Variants in FGF14 observed in about 807,000 individuals in gnomAD.
The protein encoded by FGF14 is fibroblast growth factor homologous factor 4.
In FGF14, 5 loss-of-function variants were observed where a neutral mutation model predicts 25.5. That is an observed-to-expected ratio of 0.20 (90% CI 0.10 to 0.41). The LOEUF is 0.41. Among genes scored for constraint, FGF14 ranks in the 10% least tolerant of loss-of-function variants. The probability of loss-of-function intolerance (pLI) is 1.00; values close to 1 mark genes in which losing one functional copy is unlikely to be tolerated. For missense variants in FGF14, 222 were observed against 320.1 expected (o/e 0.69, Z 2.34); for synonymous variants, 138 against 118.3 (o/e 1.17, Z -1.08).
At chr13:102,120,124 G>A (rs2045650111) in intron 1 of FGF14, among the ~76,000 whole-genome samples, 1 of 152,070 alleles carries the variant, frequency 6.6e-6, no homozygotes, top group Non-Finnish European at 1.5e-5. Flanking sequence ...TCACTATACA[G>A]GCCTTTTTGG....
intron 1 of FGF14, among the ~76,000 whole-genome samples, chr13:101,901,876 A>C (rs1449372273): frequency 6.6e-6 from 1 of 152,164 alleles, no homozygotes; most frequent in Non-Finnish European, 1.5e-5. Context: ...AATAAAGAGA[A>C]TATTATCTAC....
At chr13:101,776,445 T>A (rs1368432861) in intron 3 of FGF14, among the ~76,000 whole-genome samples, 2 of 152,152 alleles carry the variant, frequency 1.3e-5, no homozygotes, top group Non-Finnish European at 2.9e-5. Context: ...AGCTTGCCAT[T>A]CAGGGACTCC....
At chr13:102,093,846 G>GAGAGA (rs1158061239) in intron 1 of FGF14, among the ~76,000 whole-genome samples, 3 of 151,142 alleles carry the variant, frequency 2.0e-5, no homozygotes, top group African/African-American at 7.3e-5. Flanking sequence ...GAGAGGAGAG[G>GAGAGA]AGATAAGACT....
At chr13:102,104,785 A>G (rs1254708932) in intron 1 of FGF14, among the ~76,000 whole-genome samples, 1 of 152,090 alleles carries the variant, frequency 6.6e-6, no homozygotes, top group East Asian at 1.9e-4. Flanking sequence ...GACCCTATCT[A>G]AAAACAAAAC....
chr13:101,787,645 T>C (rs553834072), intron 3 of FGF14, among the ~76,000 whole-genome samples: 5 of 152,144 alleles, frequency 3.3e-5, no homozygotes, highest in Non-Finnish European at 7.4e-5. Flanking sequence ...CATTTCTTTC[T>C]GGGTAGCAAG....
At chr13:102,375,474 G>A (rs183422737) in intron 1 of FGF14, among the ~76,000 whole-genome samples, 8 of 152,108 alleles carry the variant, frequency 5.3e-5, no homozygotes, top group East Asian at 1.9e-4. Context: ...TCAATTTATC[G>A]TTATTTAATA....
At chr13:102,098,921 T>G (rs2044529779) in intron 1 of FGF14, among the ~76,000 whole-genome samples, 1 of 152,134 alleles carries the variant, frequency 6.6e-6, no homozygotes, top group Non-Finnish European at 1.5e-5. Flanking sequence ...GAATCTACCT[T>G]AAGATGTAAA....
chr13:102,342,816 T>C (rs371056327), intron 1 of FGF14, among the ~76,000 whole-genome samples: 2 of 152,202 alleles, frequency 1.3e-5, no homozygotes, highest in East Asian at 3.9e-4. Flanking sequence ...CACATTTCCA[T>C]AGATAAAATG....
intron 1 of FGF14, among the ~76,000 whole-genome samples, chr13:102,026,630 G>T (rs959773606): frequency 1.3e-5 from 2 of 151,962 alleles, no homozygotes; most frequent in Admixed American, 6.6e-5. Flanking sequence ...AAGTTTTATA[G>T]TTCTTAACAC....
At chr13:101,916,205 C>T (rs1303838474) in intron 1 of FGF14, among the ~76,000 whole-genome samples, 4 of 152,232 alleles carry the variant, frequency 2.6e-5, no homozygotes, top group Non-Finnish European at 5.9e-5. Context: ...CCTGCAGGGA[C>T]GCGGAGGGCA....
At chr13:102,287,760 C>T (rs2054178438) in intron 1 of FGF14, among the ~76,000 whole-genome samples, 1 of 152,126 alleles carries the variant, frequency 6.6e-6, no homozygotes, top group South Asian at 2.1e-4. Flanking sequence ...ATGCTAAACC[C>T]CTTACTTTAT....
chr13:102,045,157 T>G (rs1481085945), intron 1 of FGF14, among the ~76,000 whole-genome samples: 1 of 152,162 alleles, frequency 6.6e-6, no homozygotes, highest in Non-Finnish European at 1.5e-5. Context: ...TTTCAAGAGT[T>G]GTCTCAGACA....
chr13:102,023,735 T>G (rs1028763207), intron 1 of FGF14, among the ~76,000 whole-genome samples: 1 of 151,978 alleles, frequency 6.6e-6, no homozygotes, highest in Non-Finnish European at 1.5e-5. Flanking sequence ...TAGAAAAAAT[T>G]TTTAAGGTTC....
chr13:102,040,942 G>A lies in FGF14; in HGVS notation c.209-165646C>T, dbSNP rs186062811. Among the ~76,000 whole-genome samples, 19 of 152,034 alleles carry A rather than the reference G, an allele frequency of 1.2e-4. No individual in the cohort carries two copies. In the East Asian group the frequency reaches 1.6e-3, roughly 12 times the overall value. On this transcript the variant is annotated intron_variant, in intron 1 of 4. Coordinates refer to the FGF14 transcript ENST00000376131. Reference sequence around the variant, plus strand: ...TTCTTATTCTTGGTAGTAAAAAATCGCTTACCTAATCACAGATTGGTGCAC... The same window carrying A: ...TTCTTATTCTTGGTAGTAAAAAATCACTTACCTAATCACAGATTGGTGCAC...
chr13:101,787,134 G>C (rs2039883882), intron 3 of FGF14, among the ~76,000 whole-genome samples: 1 of 151,770 alleles, frequency 6.6e-6, no homozygotes, highest in Admixed American at 6.6e-5. Flanking sequence ...AAAAACACTA[G>C]GCTATAATTC....
At chr13:101,878,949 T>TACAAGA (rs111975302) in intron 1 of FGF14, among the ~76,000 whole-genome samples, 130,305 of 151,562 alleles carry the variant, frequency 0.86, 56,472 homozygotes, top group East Asian at 0.99. Flanking sequence ...ATATAAGGCC[T>TACAAGA]ACAAGTATTT....
At chr13:102,046,250 T>C (rs1007781130) in intron 1 of FGF14, among the ~76,000 whole-genome samples, 1 of 152,168 alleles carries the variant, frequency 6.6e-6, no homozygotes, top group African/African-American at 2.4e-5. Context: ...GAAAACCATA[T>C]ATCAATATCA....
chr13:101,788,969 G>C (rs1420427543), intron 3 of FGF14, among the ~76,000 whole-genome samples: 1 of 93,674 alleles, frequency 1.1e-5, no homozygotes, highest in Non-Finnish European at 2.3e-5. Flanking sequence ...GAGAGAGAGA[G>C]ACAGAGATAG....
At chr13:102,258,585 G>A (rs188791838) in intron 1 of FGF14, among the ~76,000 whole-genome samples, 18 of 152,212 alleles carry the variant, frequency 1.2e-4, no homozygotes, top group Middle Eastern at 3.4e-3. Flanking sequence ...CTGGGGACGG[G>A]AGCCCATGAG....
Sources: gnomAD v4.1 joint callset for allele counts (sites outside exome capture counted in the v4.1 genomes callset) on GRCh38, gnomAD v4.1.1 for gene constraint, MANE v1.5 for transcripts, NCBI Gene and HGNC (gene_info 2026-07-23, HGNC 2026-07-21) for gene names.